The following FSTL5 variants were observed in gnomAD, a reference collection of about 807,000 sequenced individuals.
FSTL5 encodes the protein follistatin like 5, also known as follistatin-related protein 5.
In FSTL5, 62 loss-of-function variants were observed where a neutral mutation model predicts 89.1. That is an observed-to-expected ratio of 0.70 (90% CI 0.57 to 0.86). FSTL5 has a LOEUF of 0.86. Ranked by LOEUF, FSTL5 falls within the 40% of genes least tolerant of loss-of-function variation. The pLI is 0.00. For missense variants in FSTL5, 1,057 were observed against 1,001.6 expected (o/e 1.06, Z -0.75); for synonymous variants, 383 against 346.2 (o/e 1.11, Z -1.18).
intron 6 of FSTL5, among the ~76,000 whole-genome samples, chr4:161,660,032 T>C (rs941277618): frequency 6.6e-6 from 1 of 152,176 alleles, no homozygotes; most frequent in African/African-American, 2.4e-5. Flanking sequence ...AAGTGTAACA[T>C]ATGGTACCGA....
At chr4:162,150,725 C>T (rs10034437) in intron 1 of FSTL5, among the ~76,000 whole-genome samples, 34,858 of 152,010 alleles carry the variant, frequency 0.23, 4,244 homozygotes, top group East Asian at 0.36. Flanking sequence ...TTGATGTAAT[C>T]ATCATGGAAA....
intron 4 of FSTL5, among the ~76,000 whole-genome samples, chr4:161,833,087 T>C (rs1730902658): frequency 1.3e-5 from 2 of 151,180 alleles, no homozygotes; most frequent in South Asian, 2.1e-4. Flanking sequence ...TGTGTCTTTG[T>C]TCTCGTTGGT....
chr4:161,972,710 A>G (rs542028330), intron 3 of FSTL5, among the ~76,000 whole-genome samples: 12 of 152,322 alleles, frequency 7.9e-5, no homozygotes, highest in African/African-American at 2.9e-4. Context: ...AGAGATCCAA[A>G]GCAAAGAGCC....
In FSTL5 at chr4:161,459,231, T is replaced by C; in HGVS notation, c.1697A>G (p.Lys566Arg). The C allele has an allele frequency of 6.2e-7, 1 of 1,605,200 alleles. No individual in the cohort carries two copies. The highest frequency in any genetic ancestry group is 8.5e-7 in the Non-Finnish European group (1 of 1,172,026). ...VWVLSWGTLE[K>R]TSPTLQVITL... is the part of the protein sequence containing the mutation. ...ACTTACCTGTAGTGTTGGTGATGTC[T>C]TCTCCAAGGTACCCCAGCTTAGCAC... Residue 566 changes from lysine to arginine, a missense_variant, in exon 14 of 16, where the codon AAG (lysine) becomes AGG (arginine). By Grantham distance (26) the Lys-to-Arg change is conservative (BLOSUM62 2). Transcript: ENST00000306100.
intron 7 of FSTL5, among the ~76,000 whole-genome samples, chr4:161,641,958 AG>A (rs1735982883): frequency 6.6e-6 from 1 of 152,228 alleles, no homozygotes; most frequent in Non-Finnish European, 1.5e-5. Context: ...CAGACAAAAA[AG>A]CTCTAAGGCA....
At chr4:161,958,642 G>A (rs1052610988) in intron 3 of FSTL5, among the ~76,000 whole-genome samples, 3 of 151,988 alleles carry the variant, frequency 2.0e-5, no homozygotes, top group Non-Finnish European at 2.9e-5. Flanking sequence ...ATTCTATGCC[G>A]GATGCTGGAA....
At chr4:161,761,658 A>C (rs1740809766) in intron 5 of FSTL5, among the ~76,000 whole-genome samples, 2 of 152,192 alleles carry the variant, frequency 1.3e-5, no homozygotes, top group Non-Finnish European at 2.9e-5. Context: ...GCATAAGACT[A>C]GTTTGATCTT....
chr4:161,867,125 A>G (rs959429549), intron 4 of FSTL5, among the ~76,000 whole-genome samples: 2 of 152,012 alleles, frequency 1.3e-5, no homozygotes, highest in African/African-American at 4.8e-5. Flanking sequence ...TGCTTCATCT[A>G]TTGAGGGCTT....
chr4:161,511,992 T>A (rs911879161), intron 10 of FSTL5, among the ~76,000 whole-genome samples: 1 of 152,012 alleles, frequency 6.6e-6, no homozygotes, highest in Non-Finnish European at 1.5e-5. Flanking sequence ...TCAAGGTATA[T>A]CAACCAGAAG....
At chr4:161,526,436 G>C (rs1300994453) in intron 10 of FSTL5, among the ~76,000 whole-genome samples, 1 of 152,074 alleles carries the variant, frequency 6.6e-6, no homozygotes, top group African/African-American at 2.4e-5. Flanking sequence ...CATCAATTTA[G>C]GGGAAAGATA....
intron 9 of FSTL5, 58 bp from the exon 10 acceptor site, chr4:161,538,358 T>C: frequency 6.4e-7 from 1 of 1,574,300 alleles, no homozygotes; most frequent in Non-Finnish European, 8.7e-7. Flanking sequence ...GGAACAGTGC[T>C]TTCTGATTAC....
intron 13 of FSTL5, among the ~76,000 whole-genome samples, chr4:161,461,894 T>C (rs965883214): frequency 6.6e-6 from 1 of 151,372 alleles, no homozygotes; most frequent in African/African-American, 2.4e-5. Flanking sequence ...TTTAAAATGT[T>C]AAAGATAAGA....
intron 10 of FSTL5, among the ~76,000 whole-genome samples, chr4:161,525,134 C>A (rs1301555697): frequency 6.6e-6 from 1 of 152,038 alleles, no homozygotes; most frequent in Non-Finnish European, 1.5e-5. Flanking sequence ...ATATTAACAG[C>A]AATTATTTTA....
At chr4:161,541,961 T>G (rs1731832819) in intron 9 of FSTL5, among the ~76,000 whole-genome samples, 1 of 151,946 alleles carries the variant, frequency 6.6e-6, no homozygotes, top group Admixed American at 6.6e-5. Flanking sequence ...TATTATTATC[T>G]AATATACAGT....
intron 6 of FSTL5, among the ~76,000 whole-genome samples, chr4:161,728,180 C>G (rs1739483390): frequency 6.6e-6 from 1 of 152,068 alleles, no homozygotes. Context: ...AGTAACTTAA[C>G]AGTTTTGAAG....
At chr4:161,897,678 A>G (rs1733210766) in intron 4 of FSTL5, among the ~76,000 whole-genome samples, 1 of 152,082 alleles carries the variant, frequency 6.6e-6, no homozygotes, top group African/African-American at 2.4e-5. Context: ...AACATCTTGA[A>G]TTAATGTGGC....
intron 6 of FSTL5, among the ~76,000 whole-genome samples, chr4:161,701,872 T>C (rs1262484321): frequency 6.6e-6 from 1 of 152,168 alleles, no homozygotes; most frequent in Non-Finnish European, 1.5e-5. Flanking sequence ...ATTCTTGATA[T>C]AGTCAGTTGC....
chr4:161,732,177 A>G (rs1739633772), intron 6 of FSTL5, among the ~76,000 whole-genome samples: 1 of 152,140 alleles, frequency 6.6e-6, no homozygotes, highest in Non-Finnish European at 1.5e-5. Context: ...TTGCCAACAA[A>G]AGGTATAGCC....
intron 2 of FSTL5, among the ~76,000 whole-genome samples, chr4:162,078,245 T>A (rs376341483): frequency 7.9e-5 from 12 of 151,972 alleles, no homozygotes; most frequent in African/African-American, 2.6e-4. Context: ...AAGTGCCGCA[T>A]GTACTGCTAT....
Sources: allele counts gnomAD v4.1 joint callset (sites outside exome capture counted in the v4.1 genomes callset), GRCh38; gene constraint gnomAD v4.1.1; transcripts MANE v1.5; gene names NCBI Gene and HGNC (gene_info 2026-07-23, HGNC 2026-07-21).